Variants in TCTN3 observed in about 807,000 individuals in gnomAD.
The protein encoded by TCTN3 is tectonic-3.
TCTN3 carries 57 observed loss-of-function variants against 71.3 expected under a neutral mutation model. That is an observed-to-expected ratio of 0.80 (90% CI 0.65 to 1.00). TCTN3 has a LOEUF of 1.00. TCTN3 is among the 50% of genes least tolerant of loss of function. The probability of loss-of-function intolerance (pLI) is 0.00; values close to 1 mark genes in which losing one functional copy is unlikely to be tolerated. For synonymous variants in TCTN3, 258 were observed against 267.8 expected, an observed-to-expected ratio of 0.96 and a Z score of 0.36; for missense variants, 696 against 719.9, an observed-to-expected ratio of 0.97 and a Z score of 0.38.
rs796052142 is a variant in TCTN3, at chr10:95,693,748, G to A, written c.152C>T (p.Ser51Leu). The change falls in exon 1 of 14, where the codon TCA (serine) becomes TTA (leucine). Residue 51 changes from serine to leucine, a missense_variant. Coordinates refer to ENST00000371217, the MANE Select transcript of TCTN3 (RefSeq NM_015631.6). ...GGCCGGGCGAGTTGCAGTCGCCTCT[G>A]AAGGGGACTGGAGGGTTCCGCCATC... ...GTDGGTLQSP[S>L]EATATRPAVP... is the part of the protein sequence containing the mutation. The A allele has an allele frequency of 7.7e-6, 12 of 1,551,708 alleles. No individual in the cohort carries two copies. The highest frequency in any genetic ancestry group is 1.0e-5 in the Non-Finnish European group (12 of 1,146,998).
At chr10:95,671,078 G>T (rs1050971735) in intron 13 of TCTN3, among the ~76,000 whole-genome samples, 1 of 152,178 alleles carries the variant, frequency 6.6e-6, no homozygotes, top group Non-Finnish European at 1.5e-5. Context: ...TGTTTTAAAA[G>T]TTATAGATAG....
At chr10:95,678,097 A>C (rs1000317850) in intron 13 of TCTN3, among the ~76,000 whole-genome samples, 19 of 152,336 alleles carry the variant, frequency 1.2e-4, no homozygotes, top group African/African-American at 4.3e-4. Flanking sequence ...ACAAACTTTC[A>C]AACAGTGTCC....
At position 95,693,390 on chromosome 10, in the gene TCTN3, T is replaced by A. The variant is rs1414498973; in HGVS notation, c.343A>T (p.Arg115Trp). The stretch of plus-strand genomic sequence containing the variant: ...GGAAGGCAGAAGGAGAAAACTGTCC[T>A]CGGATGGAGAAGATAGCAGTCCCTG... ...CDRDCYLLHP[R>W]TVFSFCLPGS... The change falls in exon 2 of 14, where the codon AGG (arginine) becomes TGG (tryptophan). Residue 115 changes from arginine (R) to tryptophan (W), a missense_variant. Coordinates refer to ENST00000371217, the MANE Select transcript of TCTN3 (RefSeq NM_015631.6). 12 of 1,551,760 alleles carry A rather than the reference T, an allele frequency of 7.7e-6. No individual in the cohort carries two copies. In the East Asian group the frequency reaches 2.9e-4, roughly 38 times the overall value.
At chr10:95,688,397 G>GGAAAAAAAA (rs2097950527) in intron 3 of TCTN3, among the ~76,000 whole-genome samples, 2 of 104,592 alleles carry the variant, frequency 1.9e-5, no homozygotes, top group Non-Finnish European at 3.7e-5. Context: ...TCAAAAAAAA[G>GGAAAAAAAA]AAAAAAAAAA....
rs752528883 is a variant in TCTN3, at chr10:95,693,681, G to C, written c.219C>G (p.Pro73=). ...CCACAGTCCTATTCCCAGGGGCCGA[G>C]GGAGTCACGAGAGTAGGGACCACTG... ...LPTVVPTLVT[P]SAPGNRTVDL... Residue 73 remains proline (P), a synonymous_variant, in exon 1 of 14, where the codon CCC becomes CCG. Transcript: ENST00000371217. 6.4e-7 allele frequency: 1 copy of C among 1,551,730 alleles called. No homozygotes were observed.
intron 13 of TCTN3, among the ~76,000 whole-genome samples, chr10:95,677,488 T>TG (rs1410306927): frequency 0.018 from 2,525 of 142,614 alleles, 85 homozygotes; most frequent in East Asian, 0.12. Flanking sequence ...TTTTTGTTTT[T>TG]TTTTTTTTTT....
intron 13 of TCTN3, among the ~76,000 whole-genome samples, chr10:95,664,787 CTAGAAGAAGGGA>C (rs2097924319): frequency 6.6e-6 from 1 of 152,166 alleles, no homozygotes; most frequent in South Asian, 2.1e-4. Flanking sequence ...ACAGATGTTC[CTAGAAGAAGGGA>C]TCTTGTCAGA....
chr10:95,685,738 G>C (rs2097947658), intron 7 of TCTN3, 102 bp from the exon 8 acceptor site: 1 of 858,528 alleles, frequency 1.2e-6, no homozygotes, highest in Non-Finnish European at 1.8e-6. Context: ...CCTTCCCCTT[G>C]ACCACCCTCT....
chr10:95,679,565 A>G (rs1051631936), intron 13 of TCTN3, among the ~76,000 whole-genome samples: 3 of 148,432 alleles, frequency 2.0e-5, no homozygotes, highest in Non-Finnish European at 4.5e-5. Context: ...GAATAATTTC[A>G]CTAGGACCTA....
In TCTN3 at chr10:95,693,355, T is replaced by TTCG. The variant is rs1245470026; in HGVS notation, c.377_378insCGA (p.Val126_Arg127insGlu). On this transcript the variant is annotated inframe_insertion, in exon 2 of 14. Coordinates refer to ENST00000371217, the MANE Select transcript of TCTN3 (RefSeq NM_015631.6). The stretch of plus-strand genomic sequence containing the variant: ...TCAGTCTGAGCAACGAAGCTCACCT[T>TTCG]ACGCTGCCTGGAAGGCAGAAGGAGA... 1 of 1,551,824 alleles carries TTCG rather than the reference T, an allele frequency of 6.4e-7. No homozygotes were observed. Among genetic ancestry groups the TTCG allele is most frequent in the South Asian group, 1.2e-5 (1 of 84,070 alleles).
At chr10:95,676,388 G>C (rs570514983) in intron 13 of TCTN3, among the ~76,000 whole-genome samples, 3 of 151,720 alleles carry the variant, frequency 2.0e-5, no homozygotes, top group Admixed American at 2.0e-4. Context: ...ATTTTTAGTA[G>C]AGACAGGGTT....
chr10:95,684,439 A>G, intron 9 of TCTN3, 60 bp downstream of exon 9: 1 of 1,580,046 alleles, frequency 6.3e-7, no homozygotes, highest in Non-Finnish European at 8.6e-7. Context: ...GAAGCAAAGA[A>G]ATTATTTCTA....
In TCTN3 at chr10:95,692,943, T is replaced by G; in HGVS notation, c.476A>C (p.Gln159Pro). 6.2e-7 allele frequency: 1 copy of G among 1,613,716 alleles called. No individual in the cohort carries two copies. The highest frequency in any genetic ancestry group is 8.5e-7 in the Non-Finnish European group (1 of 1,179,612). The part of the protein sequence containing the change: ...RVFMDSNGIR[Q>P]FCVHVNNSNL... ...ACAGTTGTTCACATGGACACAAAAC[T>G]GCCTGATTCCATTAGAATCCATGAA... The change falls in exon 3 of 14, where the codon CAG becomes CCG. Residue 159 changes from glutamine to proline, a missense_variant. Physicochemically the swap from Gln to Pro is moderately conservative, Grantham distance 76. Coordinates refer to ENST00000371217, the MANE Select transcript of TCTN3 (RefSeq NM_015631.6).
intron 6 of TCTN3, 28 bp from the exon 7 acceptor site, chr10:95,686,558 G>A (rs369388923): frequency 1.2e-6 from 2 of 1,607,606 alleles, no homozygotes; most frequent in Non-Finnish European, 1.7e-6. Flanking sequence ...ACATGAATGT[G>A]CATATACCTT....
chr10:95,693,037 A>C lies in TCTN3; in HGVS notation c.382T>G (p.Ser128Ala). ...FSFCLPGSVR[S>A]SSWVCVDNSV... ...TTGTCTACACAAACCCAGCTTGAAG[A>C]CCTGTGAGGAAAGAGGAGGGAGAAG... is the stretch of plus-strand genomic sequence containing the variant. Residue 128 changes from serine (S) to alanine (A), a missense_variant and splice_region_variant, in exon 3 of 14, where the codon TCT (serine) becomes GCT (alanine). Physicochemically the swap from Ser to Ala is moderately conservative, Grantham distance 99 (BLOSUM62 1). Coordinates refer to ENST00000371217, the MANE Select transcript of TCTN3 (RefSeq NM_015631.6). The C allele has an allele frequency of 6.2e-7, 1 of 1,607,020 alleles. No individual in the cohort carries two copies. Among genetic ancestry groups the C allele is most frequent in the Admixed American group, 1.7e-5 (1 of 59,724 alleles).
chr10:95,678,482 G>A (rs975710010), intron 13 of TCTN3, among the ~76,000 whole-genome samples: 8 of 144,272 alleles, frequency 5.5e-5, no homozygotes, highest in African/African-American at 1.3e-4. Flanking sequence ...GCAGTGAGCC[G>A]AGATCACACC....
chr10:95,688,051 T>A (rs2097950143), intron 3 of TCTN3, among the ~76,000 whole-genome samples: 1 of 152,164 alleles, frequency 6.6e-6, no homozygotes, highest in African/African-American at 2.4e-5. Flanking sequence ...CAGTTTCAAG[T>A]CATTGATGGT....
chr10:95,690,823 T>C (rs2097952818), intron 3 of TCTN3, among the ~76,000 whole-genome samples: 1 of 152,228 alleles, frequency 6.6e-6, no homozygotes, highest in African/African-American at 2.4e-5. Context: ...CTGTGTATAC[T>C]GTGTGTAGAT....
chr10:95,688,178 C>T (rs2139751952), intron 3 of TCTN3, among the ~76,000 whole-genome samples: 1 of 152,044 alleles, frequency 6.6e-6, no homozygotes, highest in South Asian at 2.1e-4. Context: ...CACCTGAGGT[C>T]AGGAGTTCGA....
Sources: gnomAD v4.1 joint callset for allele counts (sites outside exome capture counted in the v4.1 genomes callset) on GRCh38, gnomAD v4.1.1 for gene constraint, MANE v1.5 for transcripts, NCBI Gene and HGNC (gene_info 2026-07-23, HGNC 2026-07-21) for gene names.